The following POLR2B variants were observed in gnomAD, a reference collection of about 807,000 sequenced individuals.
POLR2B encodes DNA-directed RNA polymerase II subunit RPB2.
POLR2B carries 57 observed loss-of-function variants against 144.6 expected under a neutral mutation model. The observed-to-expected ratio is 0.39, with a 90% CI of 0.32 to 0.49. The LOEUF (loss-of-function observed/expected upper bound fraction) is 0.49, where lower values mean the gene tolerates loss of function less well. POLR2B is among the 20% of genes least tolerant of loss of function. The pLI is 0.83. For synonymous variants in POLR2B, 442 were observed against 469.8 expected (o/e 0.94, Z 0.77); for missense variants, 595 against 1,467.4 (o/e 0.41, Z 9.71).
intron 1 of POLR2B, chr4:56,985,161 C>T: frequency 4.4e-6 from 1 of 227,676 alleles, no homozygotes; most frequent in Non-Finnish European, 7.3e-6. Flanking sequence ...TAAGTGGCCT[C>T]TACTTATGGT....
intron 3 of POLR2B, among the ~76,000 whole-genome samples, chr4:56,993,944 A>G (rs1176322697): frequency 6.6e-6 from 1 of 152,206 alleles, no homozygotes; most frequent in Non-Finnish European, 1.5e-5. Flanking sequence ...GGGCACAAGA[A>G]ACTATGTAGA....
intron 6 of POLR2B, among the ~76,000 whole-genome samples, chr4:56,998,773 T>C (rs982065285): frequency 6.6e-6 from 1 of 152,146 alleles, no homozygotes; most frequent in Non-Finnish European, 1.5e-5. Flanking sequence ...TTTGGAGATA[T>C]GGGGGCTGAG....
At position 56,995,241 on chromosome 4, in the gene POLR2B, G is replaced by A; in HGVS notation, c.577-10G>A. ...ATTTTATGGCTGTAACTTTCTTATT[G>A]TCCAAATAGGTTCTGATTGCCCAAG... is the stretch of plus-strand genomic sequence containing the variant. On this transcript the variant is annotated splice_polypyrimidine_tract_variant and intron_variant, in intron 5 of 24. Transcript: ENST00000314595. 6.3e-7 allele frequency: 1 copy of A among 1,593,850 alleles called. No individual in the cohort carries two copies. The highest frequency in any genetic ancestry group is 8.6e-7 in the Non-Finnish European group (1 of 1,166,142).
chr4:57,001,458 G>A (rs2109674935), intron 7 of POLR2B, among the ~76,000 whole-genome samples: 1 of 152,332 alleles, frequency 6.6e-6, no homozygotes, highest in South Asian at 2.1e-4. Context: ...AGCGTGCCTG[G>A]CCTCCTCGGC....
intron 2 of POLR2B, among the ~76,000 whole-genome samples, chr4:56,989,593 T>C (rs1560471959): frequency 6.6e-6 from 1 of 152,216 alleles, no homozygotes; most frequent in Non-Finnish European, 1.5e-5. Flanking sequence ...CTCTGCATAT[T>C]GTCTTAGAAA....
In POLR2B at chr4:56,991,270, G is replaced by A. The variant is rs189283800; in HGVS notation, c.243+372G>A. Among the ~76,000 whole-genome samples, 21 of 152,254 alleles carry A rather than the reference G, an allele frequency of 1.4e-4. 1 individual carries two copies. The highest frequency in any genetic ancestry group is 9.8e-4 in the Admixed American group (15 of 15,286). On this transcript the variant is annotated intron_variant, in intron 3 of 24. Transcript: ENST00000314595. Reference sequence around the variant, plus strand: ...TTTCATCTGATTTTATATATTGCATGAAGTACATTATTATAACCATATGAG... The same window carrying A: ...TTTCATCTGATTTTATATATTGCATAAAGTACATTATTATAACCATATGAG...
chr4:57,011,591 A>G (rs528966942), intron 13 of POLR2B, among the ~76,000 whole-genome samples: 63 of 151,936 alleles, frequency 4.1e-4, no homozygotes, highest in South Asian at 3.5e-3. Context: ...TTGGGAGGCT[A>G]AGGCAGGCGG....
chr4:57,011,787 C>T (rs1359451637), intron 13 of POLR2B, among the ~76,000 whole-genome samples: 4 of 152,124 alleles, frequency 2.6e-5, no homozygotes, highest in African/African-American at 9.7e-5. Flanking sequence ...CACACCACTG[C>T]ACTCCAGCCT....
Position 57,005,422 on chromosome 4 carries a change from C to A in POLR2B, c.1077C>A (p.Thr359=). 2 of 1,583,550 alleles carry A rather than the reference C, an allele frequency of 1.3e-6. No individual in the cohort carries two copies. The highest frequency in any genetic ancestry group is 1.2e-5 in the South Asian group (1 of 84,772). Reference sequence around the variant, plus strand: ...TTGGTGTCAGTGATTTTTGTGAGACCAAAAAAGCCTATTTCTTGGGGTATG... The same window carrying A: ...TTGGTGTCAGTGATTTTTGTGAGACAAAAAAAGCCTATTTCTTGGGGTATG... ...PHVGVSDFCE[T]KKAYFLGYMV... is the part of the protein sequence containing the mutation. Residue 359 remains threonine (T), a synonymous_variant, in exon 8 of 25, where the codon ACC becomes ACA. Transcript: ENST00000314595.
intron 13 of POLR2B, 47 bp from the exon 14 acceptor site, chr4:57,015,455 A>T: frequency 9.5e-7 from 1 of 1,052,058 alleles, no homozygotes; most frequent in Non-Finnish European, 1.3e-6. Context: ...CCTAATAATA[A>T]AGAGAAAATA....
chr4:57,004,117 C>T (rs1471971900), intron 7 of POLR2B, among the ~76,000 whole-genome samples: 4 of 147,868 alleles, frequency 2.7e-5, no homozygotes, highest in Admixed American at 1.4e-4. Context: ...ACCTCCACCT[C>T]CCAGGTTCAA....
chr4:56,995,211 T>G, intron 5 of POLR2B, 40 bp from the exon 6 acceptor site: 1 of 1,518,316 alleles, frequency 6.6e-7, no homozygotes, highest in Non-Finnish European at 9.0e-7. Flanking sequence ...TCAGTGATGT[T>G]TTGGATTTTA....
intron 1 of POLR2B, among the ~76,000 whole-genome samples, chr4:56,982,167 A>G (rs1187910942): frequency 6.6e-6 from 1 of 151,860 alleles, no homozygotes; most frequent in Non-Finnish European, 1.5e-5. Context: ...CAACTAGGAT[A>G]TCTCCCAGGC....
chr4:56,983,797 C>T (rs1447767139), intron 1 of POLR2B, among the ~76,000 whole-genome samples: 4 of 151,438 alleles, frequency 2.6e-5, no homozygotes, highest in Admixed American at 2.6e-4. Flanking sequence ...TGAGCCACTG[C>T]ACCTGGCCTC....
intron 5 of POLR2B, among the ~76,000 whole-genome samples, 175 bp downstream of exon 5, chr4:56,995,041 C>T (rs1230642279): frequency 6.6e-6 from 1 of 151,872 alleles, no homozygotes; most frequent in African/African-American, 2.4e-5. Context: ...CTTTATTTAG[C>T]TGTATATAAC....
At chr4:56,979,066 TGATTG>T in intron 1 of POLR2B, 62 bp downstream of exon 1, 1 of 1,545,700 alleles carries the variant, frequency 6.5e-7, no homozygotes, top group Non-Finnish European at 8.9e-7. Context: ...CGTTGGGAAC[TGATTG>T]GATTGAGGAT....
At chr4:57,006,366 G>A (rs1031645102) in intron 9 of POLR2B, among the ~76,000 whole-genome samples, 2 of 152,138 alleles carry the variant, frequency 1.3e-5, no homozygotes, top group African/African-American at 4.8e-5. Context: ...GTGCAATGGT[G>A]CCATCTCGGC....
intron 1 of POLR2B, among the ~76,000 whole-genome samples, chr4:56,980,903 C>T (rs1722137818): frequency 6.6e-6 from 1 of 151,666 alleles, no homozygotes; most frequent in South Asian, 2.1e-4. Context: ...CTCCCAGGTT[C>T]AAGCAGTTCT....
chr4:57,007,141 G>T, intron 10 of POLR2B, 139 bp downstream of exon 10: 1 of 614,460 alleles, frequency 1.6e-6, no homozygotes, highest in South Asian at 2.1e-5. Flanking sequence ...GGGTGTGGTG[G>T]CTCACACCTG....
Sources: allele counts gnomAD v4.1 joint callset (sites outside exome capture counted in the v4.1 genomes callset), GRCh38; gene constraint gnomAD v4.1.1; transcripts MANE v1.5; gene names NCBI Gene and HGNC (gene_info 2026-07-23, HGNC 2026-07-21).